CDH4: variants seen among roughly 807,000 people sequenced by gnomAD.
CDH4 encodes the protein cadherin 4, also known as cadherin-4.
A neutral mutation model predicts 86.0 loss-of-function variants in CDH4; 33 were observed. The observed-to-expected ratio is 0.38, with a 90% confidence interval of 0.29 to 0.51. The LOEUF is 0.51. Among genes scored for constraint, CDH4 ranks in the 20% least tolerant of loss-of-function variants. The pLI, the probability that CDH4 is intolerant of heterozygous loss-of-function variation, is 0.86. For synonymous variants in CDH4, 555 were observed against 549.4 expected, an observed-to-expected ratio of 1.01 and a Z score of -0.14; for missense variants, 1,114 against 1,307.4, an observed-to-expected ratio of 0.85 and a Z score of 2.28.
chr20:61,367,678 T>C (rs1047005374), intron 2 of CDH4, among the ~76,000 whole-genome samples: 1 of 152,138 alleles, frequency 6.6e-6, no homozygotes, highest in Non-Finnish European at 1.5e-5. Context: ...CAGCACTTTC[T>C]TGCGGCAAAA....
chr20:61,538,190 C>A (rs1255197394), intron 2 of CDH4, among the ~76,000 whole-genome samples: 1 of 152,200 alleles, frequency 6.6e-6, no homozygotes, highest in Non-Finnish European at 1.5e-5. Context: ...ATGTGGTGGG[C>A]ACCCGTTTTC....
chr20:61,631,596 A>G (rs2086889270), intron 2 of CDH4, among the ~76,000 whole-genome samples: 1 of 152,176 alleles, frequency 6.6e-6, no homozygotes, highest in African/African-American at 2.4e-5. Flanking sequence ...GTGAGCCGAG[A>G]TCACGCCACT....
intron 3 of CDH4, among the ~76,000 whole-genome samples, chr20:61,757,537 A>T (rs1454292710): frequency 6.6e-6 from 1 of 152,214 alleles, no homozygotes; most frequent in Non-Finnish European, 1.5e-5. Context: ...CAGACTCCCC[A>T]GGACCAGGCA....
intron 8 of CDH4, among the ~76,000 whole-genome samples, chr20:61,900,313 G>A (rs1459194573): frequency 1.3e-5 from 2 of 152,142 alleles, no homozygotes; most frequent in African/African-American, 2.4e-5. Flanking sequence ...CCTTAATTAC[G>A]CTTGGGTGCA....
chr20:61,478,943 C>A (rs1157222795), intron 2 of CDH4, among the ~76,000 whole-genome samples: 6 of 151,462 alleles, frequency 4.0e-5, no homozygotes, highest in Non-Finnish European at 8.8e-5. Context: ...GAGAAACTTT[C>A]TTTTGCCATT....
intron 4 of CDH4, 152 bp from the exon 5 acceptor site, chr20:61,844,516 C>G (rs766423800): frequency 1.8e-5 from 13 of 710,218 alleles, no homozygotes. Context: ...CCTTCCACTT[C>G]CCAAAGTGGA....
intron 6 of CDH4, 104 bp downstream of exon 6, chr20:61,853,002 G>T: frequency 8.1e-7 from 1 of 1,239,872 alleles, no homozygotes; most frequent in Non-Finnish European, 1.1e-6. Flanking sequence ...TACCAGGATG[G>T]TGCCACGGGA....
In CDH4 at chr20:61,794,057, G is replaced by A. The variant is rs572656085; in HGVS notation, c.576+20875G>A. Among the ~76,000 whole-genome samples the A allele has an allele frequency of 1.5e-4, 22 of 146,356 alleles. No homozygotes were observed. In the East Asian group the frequency reaches 3.9e-3, roughly 26 times the overall value. Reference sequence around the variant, plus strand: ...ACTCGGGAGGCTGAGGCAGGAGAATGGCGTGAACCTGGGAGATGGAGCTTG... The same window carrying A: ...ACTCGGGAGGCTGAGGCAGGAGAATAGCGTGAACCTGGGAGATGGAGCTTG... On this transcript the variant is annotated intron_variant, in intron 4 of 15. Transcript: ENST00000614565.
In CDH4 at chr20:61,753,987, T is replaced by TCC. The variant is rs1297857027; in HGVS notation, c.396+10199_396+10200dup. Reference sequence around the variant, plus strand: ...TGGGCCCTGATGCAGTAGGACTGTGTCCTTATAGAAGGGGAAATTTGGGCA... The same window carrying TCC: ...TGGGCCCTGATGCAGTAGGACTGTGTCCCCTTATAGAAGGGGAAATTTGGGCA... On this transcript the variant is annotated intron_variant, in intron 3 of 15. Coordinates refer to ENST00000614565, the MANE Select transcript of CDH4 (RefSeq NM_001794.5). 3.7e-3 allele frequency among the ~76,000 whole-genome samples: 569 copies of TCC among 152,282 alleles called. 1 individual carries two copies. Among genetic ancestry groups the TCC allele is most frequent in the African/African-American group, 0.013 (534 of 41,554 alleles).
chr20:61,588,497 A>C (rs1396381988), intron 2 of CDH4, among the ~76,000 whole-genome samples: 1 of 152,182 alleles, frequency 6.6e-6, no homozygotes, highest in African/African-American at 2.4e-5. Flanking sequence ...GAGTGGAGTG[A>C]CCAGTTCCAG....
intron 2 of CDH4, among the ~76,000 whole-genome samples, chr20:61,621,511 G>C (rs988580474): frequency 8.5e-5 from 13 of 152,204 alleles, no homozygotes; most frequent in Admixed American, 3.9e-4. Context: ...CAGTCAATCA[G>C]AGTAACAAAG....
chr20:61,866,317 C>T (rs1983546822), intron 6 of CDH4, among the ~76,000 whole-genome samples: 1 of 152,164 alleles, frequency 6.6e-6, no homozygotes, highest in Admixed American at 6.5e-5. Context: ...GTTTTCCACA[C>T]CTGCGATTTT....
intron 2 of CDH4, among the ~76,000 whole-genome samples, chr20:61,389,450 C>T (rs1039839884): frequency 2.4e-4 from 37 of 152,196 alleles, no homozygotes; most frequent in Non-Finnish European, 5.9e-5. Context: ...ATTTCTCATA[C>T]CTAATTCCAA....
rs970318601 is a variant in CDH4, at chr20:61,605,902, A to C, written c.170-137661A>C. Among the ~76,000 whole-genome samples the C allele has an allele frequency of 9.2e-5, 14 of 151,830 alleles. No homozygotes were observed. The East Asian group carries it at 2.5e-3, about 27-fold the overall frequency. On this transcript the variant is annotated intron_variant, in intron 2 of 15. Transcript: ENST00000614565. ...GCTGTGGAGGAAAAAAAAAAAAAAA[A>C]AAACAGGAAACCAGGTAGAGAGTGA...
chr20:61,818,093 G>C (rs1269926749), intron 4 of CDH4, among the ~76,000 whole-genome samples: 1 of 151,808 alleles, frequency 6.6e-6, no homozygotes, highest in East Asian at 1.9e-4. Flanking sequence ...GCAATGGTGC[G>C]ATCTTGGCTC....
rs552086958 is a variant in CDH4, at chr20:61,691,803, C to T, written c.170-51760C>T. ...CATTCTGATCCCACGGGCCCACCAC[C>T]GTGTCTATGGTCTGTCACTGGTGGA... On this transcript the variant is annotated intron_variant, in intron 2 of 15. Transcript: ENST00000614565. Among the ~76,000 whole-genome samples, 183 of 152,290 alleles carry T rather than the reference C, an allele frequency of 1.2e-3. 1 individual carries two copies. The highest frequency in any genetic ancestry group is 2.7e-3 in the South Asian group (13 of 4,818).
intron 2 of CDH4, among the ~76,000 whole-genome samples, chr20:61,596,768 C>G (rs533462427): frequency 6.6e-6 from 1 of 152,258 alleles, no homozygotes; most frequent in African/African-American, 2.4e-5. Context: ...TGGGGCTGCC[C>G]TGGACTCCTT....
At chr20:61,832,185 C>A (rs927439610) in intron 4 of CDH4, among the ~76,000 whole-genome samples, 1 of 152,246 alleles carries the variant, frequency 6.6e-6, no homozygotes, top group Admixed American at 6.5e-5. Context: ...ACCTTCCCTA[C>A]TGAGGCAGGG....
chr20:61,808,828 T>TA (rs1369805804), intron 4 of CDH4, among the ~76,000 whole-genome samples: 3 of 152,304 alleles, frequency 2.0e-5, no homozygotes, highest in South Asian at 2.1e-4. Context: ...ATACTCTTGA[T>TA]ACCCTGATGT....
Sources: gnomAD v4.1 joint callset for allele counts (sites outside exome capture counted in the v4.1 genomes callset) on GRCh38, gnomAD v4.1.1 for gene constraint, MANE v1.5 for transcripts, NCBI Gene and HGNC (gene_info 2026-07-23, HGNC 2026-07-21) for gene names.